UBR4: variants seen among roughly 807,000 people sequenced by gnomAD.
UBR4 encodes the protein ubiquitin protein ligase E3 component n-recognin 4, also known as E3 ubiquitin-protein ligase UBR4.
In UBR4, 124 loss-of-function variants were observed where a neutral mutation model predicts 575.6. The ratio of observed to expected loss-of-function variants is 0.22; its 90% CI spans 0.19 to 0.25. UBR4 has a LOEUF of 0.25. Among genes scored for constraint, UBR4 ranks in the 10% least tolerant of loss-of-function variants. The probability of loss-of-function intolerance (pLI) is 1.00; values close to 1 mark genes in which losing one functional copy is unlikely to be tolerated. For missense variants in UBR4, 4,818 were observed against 6,478.8 expected, an observed-to-expected ratio of 0.74 and a Z score of 8.80; for synonymous variants, 2,455 against 2,473.7, an observed-to-expected ratio of 0.99 and a Z score of 0.22.
chr1:19,107,105 G>T, intron 81 of UBR4, 139 bp from the exon 82 acceptor site: 1 of 1,245,788 alleles, frequency 8.0e-7, no homozygotes, highest in Non-Finnish European at 1.1e-6. Flanking sequence ...TATCTCTTAT[G>T]CCCAAATATG....
Position 19,153,679 on chromosome 1 carries a change from G to A in UBR4, c.6630+89C>T. The A allele has an allele frequency of 6.6e-7, 1 of 1,526,268 alleles. No homozygotes were observed. Among genetic ancestry groups the A allele is most frequent in the Non-Finnish European group, 8.8e-7 (1 of 1,133,776 alleles). 94.5% of individuals were successfully genotyped at this position (1,526,268 alleles called of 1,614,324 possible). A position where few individuals can be genotyped will look rare whatever the true frequency, so the allele number is the denominator to read the frequency against. ...TGAAAATCTTTTATGGGCCTCCATT[G>A]AAAGAGCTGGGAAAGTGAAATGAAT... On this transcript the variant is annotated intron_variant, in intron 45 of 105. Coordinates refer to ENST00000375254, the MANE Select transcript of UBR4 (RefSeq NM_020765.3). The surrounding 1 kb of genome is among the most constrained non-coding windows in gnomAD (Gnocchi z 4.1).
chr1:19,167,294 G>T, intron 28 of UBR4, 63 bp from the exon 29 acceptor site: 1 of 1,576,842 alleles, frequency 6.3e-7, no homozygotes, highest in South Asian at 1.1e-5. Flanking sequence ...GCAAAGCAAG[G>T]ACAGGGTAAT....
At chr1:19,172,751 G>A (rs2089756596) in intron 25 of UBR4, 113 bp downstream of exon 25, 5 of 1,060,504 alleles carry the variant, frequency 4.7e-6, no homozygotes, top group Non-Finnish European at 6.9e-6. Context: ...ATTATACGTG[G>A]GGAAAAAAAC....
intron 78 of UBR4, among the ~76,000 whole-genome samples, chr1:19,111,354 G>A (rs1345555875): frequency 6.6e-6 from 1 of 152,168 alleles, no homozygotes; most frequent in East Asian, 1.9e-4. Flanking sequence ...AGACCCTATG[G>A]GATCTGGCCC....
chr1:19,123,187 C>T (rs2081358548), intron 65 of UBR4, 127 bp from the exon 66 acceptor site: 1 of 1,010,818 alleles, frequency 9.9e-7, no homozygotes, highest in Non-Finnish European at 1.5e-6. Context: ...CACGGTGGCT[C>T]ACAGCTGTAA....
rs774483308 is a variant in UBR4 at position 19,170,833 on chromosome 1, G to A, written c.3572C>T (p.Ser1191Phe). 4 of 1,614,126 alleles carry A rather than the reference G, an allele frequency of 2.5e-6. No homozygotes were observed. The highest frequency in any genetic ancestry group is 3.4e-6 in the Non-Finnish European group (4 of 1,180,020). The change falls in exon 26 of 106, where the codon TCC becomes TTC. Residue 1191 changes from serine (S) to phenylalanine (F), a missense_variant. Transcript: ENST00000375254. ...FNEEGTTEKP[S>F]KEKLQGFAAV... ...AGCAAAGCCTTGCAGTTTCTCCTTG[G>A]AAGGTTTCTCAGTTGTTCCCTCTTC...
At position 19,149,755 on chromosome 1, in the gene UBR4, A is replaced by G. The variant is rs1012763654; in HGVS notation, c.7430+822T>C. The G allele has an allele frequency of 6.9e-6, 9 of 1,302,416 alleles. No individual in the cohort carries two copies. The African/African-American group carries it at 1.4e-4, about 20-fold the overall frequency. 80.7% of individuals were successfully genotyped at this position (1,302,416 alleles called of 1,614,324 possible). A position where few individuals can be genotyped will look rare whatever the true frequency, so the allele number is the denominator to read the frequency against. ...CTCGTGCAGAGAAAAGAAAGAGGGC[A>G]TACTAACCGGTCCAGCTTGGTTAGG... On this transcript the variant is annotated intron_variant, in intron 49 of 105. Coordinates refer to ENST00000375254, the MANE Select transcript of UBR4 (RefSeq NM_020765.3).
chr1:19,090,284 A>G (rs550036891), intron 97 of UBR4, among the ~76,000 whole-genome samples: 2 of 152,280 alleles, frequency 1.3e-5, no homozygotes, highest in South Asian at 4.1e-4. Context: ...CACTTCAATT[A>G]CGATAAAAGC....
At chr1:19,176,017 G>A (rs1282765463) in intron 20 of UBR4, among the ~76,000 whole-genome samples, 2 of 152,002 alleles carry the variant, frequency 1.3e-5, no homozygotes, top group Non-Finnish European at 2.9e-5. Flanking sequence ...AAATTCCTGG[G>A]TTCAAGCGAT....
At chr1:19,183,599 G>C (rs1383241276) in intron 17 of UBR4, among the ~76,000 whole-genome samples, 1 of 152,176 alleles carries the variant, frequency 6.6e-6, no homozygotes, top group Non-Finnish European at 1.5e-5. Context: ...GCACACACCT[G>C]TAATCCCAGC....
At chr1:19,085,809 G>A (rs1482643692) in intron 101 of UBR4, among the ~76,000 whole-genome samples, 1 of 152,184 alleles carries the variant, frequency 6.6e-6, no homozygotes, top group Non-Finnish European at 1.5e-5. Context: ...AGTGAACTCA[G>A]AAATTCTGGC....
intron 3 of UBR4, 54 bp downstream of exon 3, chr1:19,199,597 G>T: frequency 6.6e-7 from 1 of 1,523,478 alleles, no homozygotes; most frequent in Non-Finnish European, 9.1e-7. Context: ...TATTCCACTA[G>T]TCAGTCACAA....
intron 81 of UBR4, among the ~76,000 whole-genome samples, 159 bp downstream of exon 81, chr1:19,109,937 C>G (rs2079653395): frequency 1.3e-5 from 2 of 152,240 alleles, no homozygotes; most frequent in Non-Finnish European, 2.9e-5. Context: ...AAAATCCCAA[C>G]CCATATCTGC....
chr1:19,152,995 A>G lies in UBR4; in HGVS notation c.6832+306T>C, dbSNP rs2085944227. ...ACTCAGTGGGAAATTAACCAGCTGAAGAGGTCTATACTTCAATCAGTTCTT... is the reference window on the plus strand; with the variant it reads ...ACTCAGTGGGAAATTAACCAGCTGAGGAGGTCTATACTTCAATCAGTTCTT... On this transcript the variant is annotated intron_variant, in intron 46 of 105. Transcript: ENST00000375254. The surrounding 1 kb of genome is among the most constrained non-coding windows in gnomAD (Gnocchi z 4.4). 6.6e-6 allele frequency among the ~76,000 whole-genome samples: 1 copy of G among 152,204 alleles called. No homozygotes were observed. The highest frequency in any genetic ancestry group is 6.5e-5 in the Admixed American group (1 of 15,288).
chr1:19,186,273 T>C (rs1041602471), intron 14 of UBR4, among the ~76,000 whole-genome samples: 2 of 152,176 alleles, frequency 1.3e-5, no homozygotes, highest in African/African-American at 2.4e-5. Flanking sequence ...TATGGAACAA[T>C]TGAGATGTTT....
At position 19,139,187 on chromosome 1, in the gene UBR4, G is replaced by A. The variant is rs751701428; in HGVS notation, c.8627C>T (p.Ala2876Val). 4.3e-6 allele frequency: 7 copies of A among 1,613,598 alleles called. No homozygotes were observed. In the Admixed American group the frequency reaches 1.2e-4, roughly 27 times the overall value. Residue 2876 changes from alanine (A) to valine (V), a missense_variant, in exon 59 of 106, where the codon GCG (alanine) becomes GTG (valine). Physicochemically the swap from Ala to Val is moderately conservative, Grantham distance 64. Transcript: ENST00000375254. The surrounding 1 kb of genome is among the most constrained non-coding windows in gnomAD (Gnocchi z 4.2). ...GGTCCGAAGGGTAGAACCATCTGTC[G>A]CTGCTGTACTGCCCTCGTCGTCTGA... The part of the protein sequence containing the change: ...PASDDEGSTA[A>V]TDGSTLRTSP...
chr1:19,116,793 G>A (rs1322138467), intron 73 of UBR4, among the ~76,000 whole-genome samples: 1 of 152,210 alleles, frequency 6.6e-6, no homozygotes, highest in African/African-American at 2.4e-5. Context: ...AAGAGTGTGT[G>A]TACTAAAGAA....
chr1:19,104,031 G>C (rs777565331), intron 87 of UBR4, 53 bp downstream of exon 87: 5 of 1,576,936 alleles, frequency 3.2e-6, no homozygotes, highest in Non-Finnish European at 4.3e-6. Flanking sequence ...AATGCACCTC[G>C]GCAGCCCCAG....
chr1:19,119,750 G>T, intron 69 of UBR4, 49 bp from the exon 70 acceptor site: 1 of 1,577,214 alleles, frequency 6.3e-7, no homozygotes, highest in Non-Finnish European at 8.7e-7. Flanking sequence ...AAACCCTGAG[G>T]CACCTGTGTT....
Sources: gnomAD v4.1 joint callset for allele counts (sites outside exome capture counted in the v4.1 genomes callset) on GRCh38, gnomAD v4.1.1 for gene constraint, Gnocchi (gnomAD v3.1) non-coding constraint, MANE v1.5 for transcripts, NCBI Gene and HGNC (gene_info 2026-07-23, HGNC 2026-07-21) for gene names.